The following ADGB variants were observed in gnomAD, a reference collection of about 807,000 sequenced individuals.
ADGB encodes the protein calpain-7-like protein.
Under a neutral mutation model 210.5 loss-of-function variants are expected in ADGB, and 172 were observed. That is an observed-to-expected ratio of 0.82 (90% CI 0.72 to 0.93). ADGB has a LOEUF of 0.93. ADGB is among the 40% of genes least tolerant of loss of function. The probability of loss-of-function intolerance (pLI) is 0.00; values close to 1 mark genes in which losing one functional copy is unlikely to be tolerated. For missense variants in ADGB, 2,025 were observed against 1,964.8 expected, an observed-to-expected ratio of 1.03 and a Z score of -0.58; for synonymous variants, 658 against 662.7, an observed-to-expected ratio of 0.99 and a Z score of 0.11.
chr6:146,602,510 T>C (rs1780572937), intron 1 of ADGB, among the ~76,000 whole-genome samples: 1 of 152,214 alleles, frequency 6.6e-6, no homozygotes, highest in Non-Finnish European at 1.5e-5. Flanking sequence ...TTATAACTCA[T>C]TGCCAGTATC....
rs1319443574 is a variant in ADGB, at chr6:146,740,565, C to A, written c.2995C>A (p.Pro999Thr). The A allele has an allele frequency of 5.8e-6, 9 of 1,550,642 alleles. No individual in the cohort carries two copies. The East Asian group carries it at 1.5e-4, about 25-fold the overall frequency. Residue 999 changes from proline to threonine, a missense_variant, in exon 24 of 36, where the codon CCA (proline) becomes ACA (threonine). By Grantham distance (38) the Pro-to-Thr change is conservative. Transcript: ENST00000397944. ...ADYTVTYQEQPPNSWFIVFRE... is the reference protein window; with the variant it reads ...ADYTVTYQEQTPNSWFIVFRE... ...TTATACTGTGACTTATCAAGAACAG[C>A]CACCAAATTCTTGGTTTATAGTATT...
rs564876984 is a variant in ADGB at position 146,610,544 on chromosome 6, G to A, written c.74+11430G>A. ...CTTTTATATTCTTTGAAGCCCTTGAGGGTTTGAGCATAGTATAAGTTGAAT... is the reference window on the plus strand; with the variant it reads ...CTTTTATATTCTTTGAAGCCCTTGAAGGTTTGAGCATAGTATAAGTTGAAT... On this transcript the variant is annotated intron_variant, in intron 1 of 35. Coordinates refer to ENST00000397944, the MANE Select transcript of ADGB (RefSeq NM_024694.4). Among the ~76,000 whole-genome samples the A allele has an allele frequency of 2.6e-5, 4 of 152,254 alleles. No individual in the cohort carries two copies. The East Asian group carries it at 7.7e-4, about 29-fold the overall frequency.
At chr6:146,694,546 A>G (rs1776379019) in intron 12 of ADGB, among the ~76,000 whole-genome samples, 1 of 152,190 alleles carries the variant, frequency 6.6e-6, no homozygotes, top group African/African-American at 2.4e-5. Context: ...CCTTCAGACC[A>G]TAGCACCTTC....
rs954863745 is a variant in ADGB, at chr6:146,788,483, G to A, written c.4410G>A (p.Ala1470=). ...TGACACAAACAGGATCAGGGAGTGC[G>A]GTGTGGAAGAAGTGGCAATTGACCA... The part of the protein sequence containing the change: ...KEMTQTGSGS[A]VWKKWQLTKG... Residue 1470 remains alanine, a synonymous_variant, in exon 33 of 36, where the codon GCG becomes GCA. Coordinates refer to ENST00000397944, the MANE Select transcript of ADGB (RefSeq NM_024694.4). 16 of 1,551,484 alleles carry A rather than the reference G, an allele frequency of 1.0e-5. No homozygotes were observed. Among genetic ancestry groups the A allele is most frequent in the African/African-American group, 5.5e-5 (4 of 72,998 alleles).
At chr6:146,745,784 G>C (rs944428864) in intron 25 of ADGB, 138 bp from the exon 26 acceptor site, 3 of 585,548 alleles carry the variant, frequency 5.1e-6, no homozygotes, top group Non-Finnish European at 8.1e-6. Flanking sequence ...CATAATCCTA[G>C]TGATTCTATG....
chr6:146,752,881 G>A (rs989937690), intron 27 of ADGB, among the ~76,000 whole-genome samples, 167 bp downstream of exon 27: 12 of 152,016 alleles, frequency 7.9e-5, no homozygotes, highest in African/African-American at 2.7e-4. Context: ...ATTAGGCTCC[G>A]AAAATCATTA....
At chr6:146,609,426 G>T (rs770349339) in intron 1 of ADGB, among the ~76,000 whole-genome samples, 6 of 152,126 alleles carry the variant, frequency 3.9e-5, no homozygotes, top group Admixed American at 1.3e-4. Flanking sequence ...TTAGTTGGTT[G>T]TTACGTAGAC....
chr6:146,682,189 T>G (rs1776167227), intron 9 of ADGB, among the ~76,000 whole-genome samples: 1 of 152,126 alleles, frequency 6.6e-6, no homozygotes, highest in African/African-American at 2.4e-5. Flanking sequence ...GCTGAAATTT[T>G]TATAGGTTCA....
At chr6:146,742,800 G>A (rs1777179074) in intron 25 of ADGB, among the ~76,000 whole-genome samples, 1 of 152,088 alleles carries the variant, frequency 6.6e-6, no homozygotes, top group Non-Finnish European at 1.5e-5. Context: ...GCGGCCCATA[G>A]GCTGCGTGCT....
chr6:146,726,183 C>A lies in ADGB; in HGVS notation c.2338C>A (p.Pro780Thr). 1 of 1,544,886 alleles carries A rather than the reference C, an allele frequency of 6.5e-7. No individual in the cohort carries two copies. The highest frequency in any genetic ancestry group is 8.8e-7 in the Non-Finnish European group (1 of 1,141,146). The change falls in exon 19 of 36, where the codon CCC (proline) becomes ACC (threonine). Residue 780 changes from proline to threonine, a missense_variant. Physicochemically the swap from Pro to Thr is conservative, Grantham distance 38. Transcript: ENST00000397944. ...CATTGGGGATGAACACGTTGTACTG[C>A]CCAACTTTGAACCAGTAAGTATTTT... ...FVIGDEHVVL[P>T]NFEPESCRFT...
rs139953967 is a variant in ADGB, at chr6:146,621,635, C to T, written c.75-13740C>T. 9.1e-3 allele frequency among the ~76,000 whole-genome samples: 1,381 copies of T among 152,194 alleles called. 14 individuals are homozygous for T. The highest frequency in any genetic ancestry group is 0.031 in the African/African-American group (1,292 of 41,514). ...GGTTTCTCTACTTTCCCTCTGTGCT[C>T]TGGTGAATTTAGGGAGATATTCTTG... On this transcript the variant is annotated intron_variant, in intron 1 of 35. Transcript: ENST00000397944.
chr6:146,635,288 G>A (rs1775401615), intron 1 of ADGB, 87 bp from the exon 2 acceptor site: 1 of 1,221,222 alleles, frequency 8.2e-7, no homozygotes, highest in African/African-American at 1.6e-5. Flanking sequence ...CAGCTGAGAA[G>A]ACAAATTTAT....
chr6:146,691,461 A>AT lies in ADGB; in HGVS notation c.1486+171_1486+172insT, dbSNP rs1554231910. The stretch of plus-strand genomic sequence containing the variant: ...ATATATAAAAATATATATATATAAA[A>AT]ATATATATATATATAAATATATATA... On this transcript the variant is annotated intron_variant, in intron 11 of 35. Transcript: ENST00000397944. Among the ~76,000 whole-genome samples the AT allele has an allele frequency of 1.8e-3, 33 of 18,222 alleles. 1 individual carries two copies. Among genetic ancestry groups the AT allele is most frequent in the Middle Eastern group, 0.016 (1 of 64 alleles). The allele number at this position is 18,222 out of a possible 152,430, so 12.0% of individuals were successfully genotyped here.
At chr6:146,691,632 T>A (rs1583592314) in intron 11 of ADGB, among the ~76,000 whole-genome samples, 1 of 141,210 alleles carries the variant, frequency 7.1e-6, no homozygotes, top group African/African-American at 2.8e-5. Flanking sequence ...CTCAGCCTCC[T>A]GAGTAGCTGG....
intron 29 of ADGB, 104 bp from the exon 30 acceptor site, chr6:146,781,916 C>A: frequency 1.3e-6 from 1 of 793,328 alleles, no homozygotes; most frequent in Non-Finnish European, 1.8e-6. Context: ...AAATACAAAT[C>A]TATTAGCTTA....
intron 10 of ADGB, among the ~76,000 whole-genome samples, chr6:146,689,568 G>A (rs1354316134): frequency 6.6e-6 from 1 of 151,984 alleles, no homozygotes; most frequent in Non-Finnish European, 1.5e-5. Context: ...AAAAAAAAGT[G>A]TTTTTAGACT....
At chr6:146,664,422 T>A (rs1304069232) in intron 6 of ADGB, 82 bp downstream of exon 6, 1 of 1,344,154 alleles carries the variant, frequency 7.4e-7, no homozygotes, top group Non-Finnish European at 9.7e-7. Flanking sequence ...ATAATTTATT[T>A]TTTTAAAATT....
intron 1 of ADGB, among the ~76,000 whole-genome samples, chr6:146,623,265 A>G (rs1483218639): frequency 5.9e-5 from 9 of 152,076 alleles, no homozygotes; most frequent in Admixed American, 2.6e-4. Flanking sequence ...CTGTTGGTCA[A>G]TTTGGGGTGA....
chr6:146,614,374 T>TATC (rs34044237), intron 1 of ADGB, among the ~76,000 whole-genome samples: 62 of 152,282 alleles, frequency 4.1e-4, no homozygotes, highest in Non-Finnish European at 5.1e-4. Context: ...TAAACAGATC[T>TATC]ATCATTTTAA....
Sources: gnomAD v4.1 joint callset for allele counts (sites outside exome capture counted in the v4.1 genomes callset) on GRCh38, gnomAD v4.1.1 for gene constraint, MANE v1.5 for transcripts, NCBI Gene and HGNC (gene_info 2026-07-23, HGNC 2026-07-21) for gene names.